The following PEPD variants were observed in gnomAD, a reference collection of about 807,000 sequenced individuals.
PEPD encodes peptidase D, also known as xaa-Pro dipeptidase.
PEPD carries 53 observed loss-of-function variants against 60.7 expected under a neutral mutation model. The ratio of observed to expected loss-of-function variants is 0.87; its 90% CI spans 0.70 to 1.10. The LOEUF (loss-of-function observed/expected upper bound fraction) is 1.10, where lower values mean the gene tolerates loss of function less well. Ranked by LOEUF, PEPD falls within the 50% of genes least tolerant of loss-of-function variation. PEPD has a pLI of 0.00. For synonymous variants in PEPD, 267 were observed against 284.1 expected (o/e 0.94, Z 0.60); for missense variants, 711 against 711.9 (o/e 1.00, Z 0.01).
At chr19:33,470,515 C>A (rs1431998780) in intron 7 of PEPD, among the ~76,000 whole-genome samples, 5 of 152,142 alleles carry the variant, frequency 3.3e-5, no homozygotes, top group Non-Finnish European at 7.3e-5. Flanking sequence ...ACCCTCCCAC[C>A]CTGGGCTAAA....
chr19:33,493,607 C>A (rs1970541565), intron 4 of PEPD, among the ~76,000 whole-genome samples: 1 of 152,086 alleles, frequency 6.6e-6, no homozygotes, highest in Non-Finnish European at 1.5e-5. Flanking sequence ...AGGCACCACA[C>A]AGATCCCTGG....
At chr19:33,409,486 A>G (rs1215515246) in intron 11 of PEPD, among the ~76,000 whole-genome samples, 1 of 152,216 alleles carries the variant, frequency 6.6e-6, no homozygotes, top group Non-Finnish European at 1.5e-5. Flanking sequence ...CCTGGGCAAC[A>G]TGGTGAGACC....
chr19:33,425,446 G>A (rs891141307), intron 9 of PEPD, among the ~76,000 whole-genome samples: 3 of 152,190 alleles, frequency 2.0e-5, no homozygotes, highest in Non-Finnish European at 4.4e-5. Flanking sequence ...AAGCAAGCCA[G>A]GTATGCAGGG....
In PEPD at chr19:33,462,827, G is replaced by A. The variant is rs573797644; in HGVS notation, c.671+168C>T. ...ACACTCTGCCAAGAGCCAGGGAGGC[G>A]GGCGCAGTCAGAAGAAAAATAATCT... On this transcript the variant is annotated intron_variant, in intron 9 of 14. Coordinates refer to ENST00000244137, the MANE Select transcript of PEPD (RefSeq NM_000285.4). The A allele has an allele frequency of 5.7e-4, 387 of 682,698 alleles. 1 individual carries two copies. The highest frequency in any genetic ancestry group is 5.4e-3 in the African/African-American group (304 of 56,668). 42.3% of individuals were successfully genotyped at this position (682,698 alleles called of 1,614,324 possible).
At chr19:33,509,181 G>C (rs992159516) in intron 3 of PEPD, among the ~76,000 whole-genome samples, 1 of 152,242 alleles carries the variant, frequency 6.6e-6, no homozygotes, top group African/African-American at 2.4e-5. Context: ...CGACAATAAA[G>C]ATCACGACAG....
intron 3 of PEPD, among the ~76,000 whole-genome samples, chr19:33,502,030 G>T (rs1970722934): frequency 6.6e-6 from 1 of 152,186 alleles, no homozygotes; most frequent in South Asian, 2.1e-4. Context: ...GGTCACAGCT[G>T]TGCTAGGCAG....
In PEPD at chr19:33,401,838, A is replaced by C; in HGVS notation, c.850T>G (p.Phe284Val). 6.2e-7 allele frequency: 1 copy of C among 1,613,300 alleles called. No homozygotes were observed. The highest frequency in any genetic ancestry group is 8.5e-7 in the Non-Finnish European group (1 of 1,179,966). Residue 284 changes from phenylalanine to valine, a missense_variant, in exon 12 of 15, where the codon TTC becomes GTC. Coordinates refer to ENST00000244137, the MANE Select transcript of PEPD (RefSeq NM_000285.4). ...AAGGAGCAGGTGATGTCGGAAGCGA[A>C]GCAGTAATACTCACCGCCCATGTCG... ...LFDMGGEYYC[F>V]ASDITCSFPA... is the part of the protein sequence containing the mutation.
chr19:33,497,782 G>C (rs1970634895), intron 4 of PEPD, among the ~76,000 whole-genome samples: 1 of 152,144 alleles, frequency 6.6e-6, no homozygotes, highest in East Asian at 1.9e-4. Context: ...CCAGCTCAGG[G>C]GGTTCAGTCC....
chr19:33,391,869 C>T (rs1968230340), intron 12 of PEPD, among the ~76,000 whole-genome samples: 1 of 152,204 alleles, frequency 6.6e-6, no homozygotes, highest in Admixed American at 6.5e-5. Flanking sequence ...TGCACGTCTC[C>T]CCAGTAGCAG....
rs1390436572 is a variant in PEPD at position 33,463,889 on chromosome 19, G to A, written c.624+98C>T. 2.9e-5 allele frequency: 23 copies of A among 798,646 alleles called. No individual in the cohort carries two copies. The South Asian group carries it at 3.2e-4, about 11-fold the overall frequency. 49.5% of individuals were successfully genotyped at this position (798,646 alleles called of 1,614,324 possible). The stretch of plus-strand genomic sequence containing the variant: ...TCCTACCTCTCACTTGGCCCTCAGG[G>A]ATTAGAGCCCACCTGGAAACCCTTC... On this transcript the variant is annotated intron_variant, in intron 8 of 14. Transcript: ENST00000244137.
chr19:33,389,402 A>G (rs540960372), intron 13 of PEPD, among the ~76,000 whole-genome samples: 2 of 152,296 alleles, frequency 1.3e-5, no homozygotes, highest in African/African-American at 4.8e-5. Flanking sequence ...ATGTGGACCG[A>G]GCTGGGGCCT....
chr19:33,493,271 CT>C lies in PEPD; in HGVS notation c.441+18del, dbSNP rs1568500190. On this transcript the variant is annotated intron_variant, in intron 5 of 14. Transcript: ENST00000244137. ...CCCAGAGCCAAGCACTGCCCCACCCCTGGACACCAGCCACTTACCAAAGTGA... is the reference window on the plus strand; with the variant it reads ...CCCAGAGCCAAGCACTGCCCCACCCCGGACACCAGCCACTTACCAAAGTGA... 6.3e-7 allele frequency: 1 copy of C among 1,596,920 alleles called. No homozygotes were observed. The highest frequency in any genetic ancestry group is 1.7e-5 in the Admixed American group (1 of 59,948).
intron 4 of PEPD, among the ~76,000 whole-genome samples, chr19:33,497,805 T>C (rs1970635387): frequency 6.6e-6 from 1 of 152,092 alleles, no homozygotes; most frequent in Non-Finnish European, 1.5e-5. Context: ...CAAGTCACAC[T>C]TTTTGGCAGG....
At chr19:33,415,762 T>C (rs1263884673) in intron 9 of PEPD, among the ~76,000 whole-genome samples, 2 of 152,192 alleles carry the variant, frequency 1.3e-5, no homozygotes, top group African/African-American at 4.8e-5. Flanking sequence ...TGGTCACCTT[T>C]GCCGGCCACG....
In PEPD at chr19:33,453,905, T is replaced by G. The variant is rs140081301; in HGVS notation, c.671+9090A>C. Among the ~76,000 whole-genome samples, 573 of 152,344 alleles carry G rather than the reference T, an allele frequency of 3.8e-3. 4 individuals are homozygous for G. The highest frequency in any genetic ancestry group is 0.013 in the African/African-American group (550 of 41,582). ...CCATGCTCTACCCACTCTACTATAC[T>G]GCCTCCTAAGTCGGCTTCTTAAAGT... On this transcript the variant is annotated intron_variant, in intron 9 of 14. Transcript: ENST00000244137.
intron 11 of PEPD, among the ~76,000 whole-genome samples, chr19:33,403,183 C>T (rs1484853653): frequency 6.6e-6 from 1 of 152,208 alleles, no homozygotes; most frequent in Non-Finnish European, 1.5e-5. Flanking sequence ...ACCTAGGCAC[C>T]TCGGGAGGCT....
chr19:33,477,789 T>C (rs928985421), intron 7 of PEPD, among the ~76,000 whole-genome samples: 2 of 152,224 alleles, frequency 1.3e-5, no homozygotes, highest in African/African-American at 4.8e-5. Context: ...GGTTTACTTA[T>C]GGTAGGAGTT....
chr19:33,401,353 C>T (rs1968486324), intron 12 of PEPD, among the ~76,000 whole-genome samples: 2 of 152,254 alleles, frequency 1.3e-5, no homozygotes, highest in South Asian at 2.1e-4. Flanking sequence ...CGTGAACCTG[C>T]TCTGACCCCA....
intron 12 of PEPD, 35 bp from the exon 13 acceptor site, chr19:33,391,514 G>C (rs906576959): frequency 3.5e-5 from 54 of 1,533,824 alleles, no homozygotes; most frequent in Middle Eastern, 2.2e-4. Flanking sequence ...GAGCCACAGA[G>C]CCCAGCAGCC....
Sources: allele counts gnomAD v4.1 joint callset (sites outside exome capture counted in the v4.1 genomes callset), GRCh38; gene constraint gnomAD v4.1.1; transcripts MANE v1.5; gene names NCBI Gene and HGNC (gene_info 2026-07-23, HGNC 2026-07-21).